Variants in AKAP19 observed in about 807,000 individuals in gnomAD.
AKAP19 encodes the protein A-kinase anchoring protein 19.
the AKAP19 span, among the ~76,000 whole-genome samples, chr2:190,059,665 G>T: frequency 1.3e-5 from 2 of 151,776 alleles, no homozygotes; most frequent in Non-Finnish European, 2.9e-5. Flanking sequence ...AACACATTTG[G>T]CACCCTTCTG....
chr2:190,163,412 A>C, the AKAP19 span, among the ~76,000 whole-genome samples: 3 of 151,518 alleles, frequency 2.0e-5, no homozygotes, highest in Middle Eastern at 3.2e-3. Flanking sequence ...CCAACCTGGG[A>C]GACACAGCGA....
the AKAP19 span, chr2:190,199,753 G>T: frequency 6.6e-7 from 1 of 1,524,496 alleles, no homozygotes; most frequent in Non-Finnish European, 8.8e-7. Context: ...AAGTGCCCTG[G>T]AGAGGGAAAG....
the AKAP19 span, among the ~76,000 whole-genome samples, chr2:190,013,491 C>G: frequency 6.6e-6 from 1 of 151,532 alleles, no homozygotes; most frequent in Non-Finnish European, 1.5e-5. Context: ...TGAGTCGTCT[C>G]TCTTTGTTTA....
At chr2:190,078,871 T>C in the AKAP19 span, among the ~76,000 whole-genome samples, 1 of 152,088 alleles carries the variant, frequency 6.6e-6, no homozygotes, top group East Asian at 1.9e-4. Flanking sequence ...GGGAACAAAA[T>C]ATATGTACAA....
At chr2:189,966,028 G>A in the AKAP19 span, among the ~76,000 whole-genome samples, 1 of 151,986 alleles carries the variant, frequency 6.6e-6, no homozygotes, top group Non-Finnish European at 1.5e-5. Flanking sequence ...TGAATTAATG[G>A]CATTTGCAGC....
chr2:189,881,559 C>A, the AKAP19 span, among the ~76,000 whole-genome samples: 62 of 152,240 alleles, frequency 4.1e-4, no homozygotes, highest in East Asian at 0.012. Flanking sequence ...GATCTGTAGG[C>A]AGGTATGAAA....
the AKAP19 span, among the ~76,000 whole-genome samples, chr2:190,139,853 G>A: frequency 6.6e-6 from 1 of 151,980 alleles, no homozygotes; most frequent in Non-Finnish European, 1.5e-5. Context: ...TCCCAACAGT[G>A]CCCCAATATC....
the AKAP19 span, among the ~76,000 whole-genome samples, chr2:190,038,925 C>CTTCTT: frequency 7.5e-6 from 1 of 133,250 alleles, no homozygotes; most frequent in Non-Finnish European, 1.6e-5. Flanking sequence ...TCTTCTTCTT[C>CTTCTT]TTCTTCTTCT....
At chr2:190,126,232 A>G in the AKAP19 span, among the ~76,000 whole-genome samples, 1 of 131,410 alleles carries the variant, frequency 7.6e-6, no homozygotes, top group African/African-American at 2.9e-5. Flanking sequence ...TGGAGGTTGC[A>G]GTGAGCTGAG....
At chr2:190,017,169 C>G in the AKAP19 span, among the ~76,000 whole-genome samples, 1 of 151,936 alleles carries the variant, frequency 6.6e-6, no homozygotes, top group East Asian at 1.9e-4. Flanking sequence ...AGTCTGTGTC[C>G]TGAAAGGTGA....
chr2:190,157,550 G>A, the AKAP19 span, among the ~76,000 whole-genome samples: 1 of 152,106 alleles, frequency 6.6e-6, no homozygotes, highest in Admixed American at 6.5e-5. Flanking sequence ...ATAAAGGAAT[G>A]AACACCTTTC....
At chr2:189,952,715 G>A in the AKAP19 span, among the ~76,000 whole-genome samples, 2 of 152,148 alleles carry the variant, frequency 1.3e-5, no homozygotes, top group African/African-American at 4.8e-5. Context: ...TGCAACTGTA[G>A]GAGAATTACA....
chr2:189,882,800 G>A, the AKAP19 span, among the ~76,000 whole-genome samples: 2 of 149,358 alleles, frequency 1.3e-5, no homozygotes, highest in Non-Finnish European at 3.0e-5. Context: ...TATGAGGGAG[G>A]TACATAGCTT....
the AKAP19 span, among the ~76,000 whole-genome samples, chr2:190,112,933 C>CT: frequency 1.1e-4 from 16 of 151,084 alleles, no homozygotes; most frequent in South Asian, 1.5e-3. Flanking sequence ...TTTAGCAGGT[C>CT]TTTTTTTTTA....
chr2:190,075,862 GT>G, the AKAP19 span, among the ~76,000 whole-genome samples: 1 of 151,968 alleles, frequency 6.6e-6, no homozygotes, highest in Non-Finnish European at 1.5e-5. Flanking sequence ...TTTGGTTTAA[GT>G]TTAGTGTTCC....
chr2:190,034,133 A>G, the AKAP19 span, among the ~76,000 whole-genome samples: 1 of 151,950 alleles, frequency 6.6e-6, no homozygotes, highest in Non-Finnish European at 1.5e-5. Context: ...AAAAAGAGAC[A>G]TTATGGTGTG....
chr2:190,169,064 T>C, the AKAP19 span, among the ~76,000 whole-genome samples: 1 of 152,178 alleles, frequency 6.6e-6, no homozygotes, highest in Non-Finnish European at 1.5e-5. Context: ...TTGGGTAATT[T>C]ACAAAAGGAT....
chr2:189,884,404 C>T, the AKAP19 span, among the ~76,000 whole-genome samples: 24 of 152,004 alleles, frequency 1.6e-4, no homozygotes, highest in African/African-American at 4.4e-4. Context: ...ACGTATGATA[C>T]TCGTTATCTA....
At chr2:190,199,870 A>G in the AKAP19 span, 1 of 1,613,636 alleles carries the variant, frequency 6.2e-7, no homozygotes, top group Non-Finnish European at 8.5e-7. Context: ...CATGGGCTGC[A>G]TGAAATCAAA....
Sources: gnomAD v4.1 joint callset for allele counts (sites outside exome capture counted in the v4.1 genomes callset) on GRCh38, gnomAD v4.1.1 for gene constraint, MANE v1.5 for transcripts, NCBI Gene and HGNC (gene_info 2026-07-23, HGNC 2026-07-21) for gene names.